CES5A: variants seen among roughly 807,000 people sequenced by gnomAD.
CES5A encodes the protein carboxylesterase 5.
In CES5A, 67 loss-of-function variants were observed where a neutral mutation model predicts 62.9. That is an observed-to-expected ratio of 1.07 (90% CI 0.88 to 1.31). The LOEUF is 1.31. Ranked by LOEUF, CES5A falls within the 50% of genes most tolerant of loss-of-function variation. The pLI is 0.00. For missense variants in CES5A, 748 were observed against 708.5 expected (o/e 1.06, Z -0.63); for synonymous variants, 296 against 280.8 (o/e 1.05, Z -0.54).
intron 2 of CES5A, among the ~76,000 whole-genome samples, chr16:55,935,961 C>T (rs2034369873): frequency 6.6e-6 from 1 of 152,176 alleles, no homozygotes; most frequent in South Asian, 2.1e-4. Context: ...AGAGATGGCA[C>T]ACAAAAGCTG....
chr16:55,852,907 G>T lies in CES5A; in HGVS notation c.1247C>A (p.Ala416Glu). The change falls in exon 10 of 13, where the codon GCA becomes GAA. Residue 416 changes from alanine to glutamate, a missense_variant. Coordinates refer to ENST00000290567, the MANE Select transcript of CES5A (RefSeq NM_001143685.2). Reference sequence around the variant, plus strand: ...TCTGTGATATCGAGCTGTGATCAGTGCAGGGACCACAAAGAACACATCTCC... The same window carrying T: ...TCTGTGATATCGAGCTGTGATCAGTTCAGGGACCACAAAGAACACATCTCC... ...LLGDVFFVVP[A>E]LITARYHRDA... 6.2e-7 allele frequency: 1 copy of T among 1,614,022 alleles called. No individual in the cohort carries two copies. Among genetic ancestry groups the T allele is most frequent in the Non-Finnish European group, 8.5e-7 (1 of 1,180,002 alleles).
At chr16:55,868,826 AC>A (rs2033522986) in intron 4 of CES5A, among the ~76,000 whole-genome samples, 1 of 152,222 alleles carries the variant, frequency 6.6e-6, no homozygotes, top group Non-Finnish European at 1.5e-5. Flanking sequence ...CTGTTTTGTG[AC>A]CCCTGGGAAG....
intron 10 of CES5A, among the ~76,000 whole-genome samples, chr16:55,851,763 A>G (rs1402745140): frequency 6.6e-6 from 1 of 152,230 alleles, no homozygotes; most frequent in Non-Finnish European, 1.5e-5. Context: ...TCCTTGCACA[A>G]TAGCTGAATG....
chr16:55,884,017 A>T (rs1246042112), intron 1 of CES5A, among the ~76,000 whole-genome samples: 1 of 152,186 alleles, frequency 6.6e-6, no homozygotes. Flanking sequence ...TGTGTCCATT[A>T]GTCCTGAAAA....
chr16:55,917,479 C>T (rs1386277416), intron 1 of CES5A, among the ~76,000 whole-genome samples: 3 of 152,200 alleles, frequency 2.0e-5, no homozygotes, highest in African/African-American at 7.2e-5. Context: ...CAAACTCACC[C>T]ATGTGGTTGT....
chr16:55,891,225 C>A (rs892730207), intron 1 of CES5A, among the ~76,000 whole-genome samples: 3 of 152,202 alleles, frequency 2.0e-5, no homozygotes, highest in Admixed American at 6.5e-5. Context: ...GCTGCAGGAG[C>A]CACATGTCCG....
At chr16:55,915,296 C>T (rs541291569) in intron 1 of CES5A, among the ~76,000 whole-genome samples, 11 of 152,174 alleles carry the variant, frequency 7.2e-5, no homozygotes, top group South Asian at 2.1e-4. Context: ...CAGGCACACC[C>T]GCTGAATGAC....
chr16:55,908,495 G>A (rs1326756483), intron 1 of CES5A, among the ~76,000 whole-genome samples: 2 of 152,166 alleles, frequency 1.3e-5, no homozygotes, highest in Non-Finnish European at 2.9e-5. Flanking sequence ...CAAGTAGCTG[G>A]GATTAGAGGC....
intron 1 of CES5A, among the ~76,000 whole-genome samples, chr16:55,895,167 C>A (rs1402298001): frequency 6.6e-6 from 1 of 152,218 alleles, no homozygotes; most frequent in African/African-American, 2.4e-5. Context: ...AAGACACACA[C>A]AGAGTACATT....
intron 2 of CES5A, among the ~76,000 whole-genome samples, chr16:55,872,967 G>A (rs548380690): frequency 2.8e-4 from 42 of 152,290 alleles, no homozygotes; most frequent in Non-Finnish European, 4.3e-4. Flanking sequence ...ATATTAGTTG[G>A]ATGAATGAAT....
At chr16:55,949,014 T>A (rs1425177930) in intron 2 of CES5A, among the ~76,000 whole-genome samples, 4 of 152,184 alleles carry the variant, frequency 2.6e-5, no homozygotes, top group Non-Finnish European at 5.9e-5. Flanking sequence ...TGGCTGGCCA[T>A]ATGCAGCTCC....
intron 8 of CES5A, 133 bp downstream of exon 8, chr16:55,859,414 G>C (rs554039799): frequency 5.0e-6 from 4 of 799,954 alleles, no homozygotes; most frequent in African/African-American, 3.5e-5. Flanking sequence ...GAGTAAAGGT[G>C]ATCACTGTGT....
In CES5A at chr16:55,861,537, G is replaced by T. The variant is rs370311040; in HGVS notation, c.811-21C>A. The T allele has an allele frequency of 1.0e-5, 16 of 1,527,868 alleles. No homozygotes were observed. The African/African-American group carries it at 1.8e-4, about 17-fold the overall frequency. The allele number at this position is 1,527,868 out of a possible 1,614,324, so 94.6% of individuals were successfully genotyped here. A position where few individuals can be genotyped will look rare whatever the true frequency, so the allele number is the denominator to read the frequency against. On this transcript the variant is annotated intron_variant, in intron 6 of 12. Transcript: ENST00000290567. ...TGCAGCTATTTTGTAGAGAAGGACC[G>T]GGTTAGAGCATGATATTGAAAGCAT...
chr16:55,856,897 T>A (rs1379974548), intron 8 of CES5A, among the ~76,000 whole-genome samples: 8 of 152,244 alleles, frequency 5.3e-5, no homozygotes, highest in Non-Finnish European at 1.2e-4. Context: ...CAAAGCGGTA[T>A]CAGCACCTTG....
chr16:55,897,147 G>A (rs528575559), intron 1 of CES5A, among the ~76,000 whole-genome samples: 35 of 151,958 alleles, frequency 2.3e-4, no homozygotes, highest in South Asian at 6.2e-4. Context: ...CTCCAGGGAT[G>A]GCTAAGTATT....
chr16:55,875,418 A>G, upstream of CES5A: 4 of 1,314,972 alleles, frequency 3.0e-6, no homozygotes, highest in Non-Finnish European at 4.0e-6. Context: ...GTTCTGATTT[A>G]CATAAGAAGC....
At chr16:55,893,161 T>G (rs896854317) in intron 1 of CES5A, among the ~76,000 whole-genome samples, 1 of 152,176 alleles carries the variant, frequency 6.6e-6, no homozygotes, top group Non-Finnish European at 1.5e-5. Flanking sequence ...TGCTCATCTA[T>G]CAAAGCCCCA....
chr16:55,868,361 C>T (rs1460805796), intron 4 of CES5A, among the ~76,000 whole-genome samples: 10 of 152,182 alleles, frequency 6.6e-5, no homozygotes, highest in African/African-American at 2.4e-4. Flanking sequence ...TTGCTTCATC[C>T]CCATGTGTTG....
At chr16:55,851,377 C>A (rs183300946) in intron 10 of CES5A, among the ~76,000 whole-genome samples, 1 of 152,048 alleles carries the variant, frequency 6.6e-6, no homozygotes, top group Admixed American at 6.5e-5. Context: ...GTCCAATAAG[C>A]ACATGAAAAG....
Sources: allele counts gnomAD v4.1 joint callset (sites outside exome capture counted in the v4.1 genomes callset), GRCh38; gene constraint gnomAD v4.1.1; transcripts MANE v1.5; gene names NCBI Gene and HGNC (gene_info 2026-07-23, HGNC 2026-07-21).